PALM2AKAP2: variants seen among roughly 807,000 people sequenced by gnomAD.
The protein encoded by PALM2AKAP2 is PALM2-AKAP2 fusion protein.
In PALM2AKAP2, 37 loss-of-function variants were observed where a neutral mutation model predicts 71.5. That is an observed-to-expected ratio of 0.52 (90% CI 0.40 to 0.68). The LOEUF (loss-of-function observed/expected upper bound fraction) is 0.68, where lower values mean the gene tolerates loss of function less well. PALM2AKAP2 is among the 30% of genes least tolerant of loss of function. The pLI, the probability that PALM2AKAP2 is intolerant of heterozygous loss-of-function variation, is 0.00. For synonymous variants in PALM2AKAP2, 468 were observed against 478.8 expected, an observed-to-expected ratio of 0.98 and a Z score of 0.29; for missense variants, 1,224 against 1,191.8, an observed-to-expected ratio of 1.03 and a Z score of -0.40.
At chr9:109,819,950 A>G (rs1384840514) in intron 1 of PALM2AKAP2, among the ~76,000 whole-genome samples, 1 of 152,216 alleles carries the variant, frequency 6.6e-6, no homozygotes, top group Non-Finnish European at 1.5e-5. Flanking sequence ...ATTGGGAACA[A>G]TTCAATAGGA....
intron 1 of PALM2AKAP2, among the ~76,000 whole-genome samples, chr9:109,800,639 A>G (rs554271300): frequency 3.9e-5 from 6 of 152,368 alleles, no homozygotes; most frequent in Non-Finnish European, 7.3e-5. Flanking sequence ...ACTGCTCCCA[A>G]CTGAGCAATG....
chr9:110,076,759 G>C lies in PALM2AKAP2; in HGVS notation c.156+27904G>C, dbSNP rs552409931. Among the ~76,000 whole-genome samples the C allele has an allele frequency of 2.0e-5, 3 of 152,168 alleles. No homozygotes were observed. The South Asian group carries it at 6.2e-4, about 32-fold the overall frequency. On this transcript the variant is annotated intron_variant, in intron 1 of 3. Transcript: ENST00000374525. ...TTAGATGCATATGGAAGACCAGCTA[G>C]ACAAGGCCACCTCCGAGTTTTGTGT...
intron 1 of PALM2AKAP2, among the ~76,000 whole-genome samples, chr9:109,858,710 C>T (rs202092615): frequency 1.3e-5 from 2 of 152,186 alleles, no homozygotes; most frequent in East Asian, 3.8e-4. Context: ...ATTCTGCCTA[C>T]CTGTACAGAA....
chr9:109,727,307 G>A (rs989617635), intron 1 of PALM2AKAP2, among the ~76,000 whole-genome samples: 1 of 151,996 alleles, frequency 6.6e-6, no homozygotes, highest in Non-Finnish European at 1.5e-5. Context: ...AATTTGGGAG[G>A]GAATTTTATA....
At chr9:109,662,149 A>C (rs1827407408) in intron 1 of PALM2AKAP2, among the ~76,000 whole-genome samples, 2 of 151,222 alleles carry the variant, frequency 1.3e-5, no homozygotes, top group African/African-American at 4.9e-5. Flanking sequence ...CTAATTGAAT[A>C]CCCTTTATTT....
chr9:110,053,037 G>C (rs1833742759), intron 1 of PALM2AKAP2, among the ~76,000 whole-genome samples: 1 of 152,202 alleles, frequency 6.6e-6, no homozygotes, highest in Non-Finnish European at 1.5e-5. Flanking sequence ...TCCAGGGTTT[G>C]GTGGTGGGTT....
At chr9:110,102,548 C>T (rs1024751231) in intron 1 of PALM2AKAP2, among the ~76,000 whole-genome samples, 7 of 152,196 alleles carry the variant, frequency 4.6e-5, no homozygotes, top group South Asian at 2.1e-4. Flanking sequence ...TTTTCTGGGG[C>T]CATGGAGTTG....
At chr9:109,948,715 A>G (rs1290543668) in intron 6 of PALM2AKAP2, among the ~76,000 whole-genome samples, 1 of 152,246 alleles carries the variant, frequency 6.6e-6, no homozygotes, top group Non-Finnish European at 1.5e-5. Context: ...CTCACAAATC[A>G]TAAAATTCTC....
intron 3 of PALM2AKAP2, among the ~76,000 whole-genome samples, chr9:109,919,190 C>A (rs913240269): frequency 6.6e-6 from 1 of 152,218 alleles, no homozygotes; most frequent in African/African-American, 2.4e-5. Flanking sequence ...ACCAAACAAG[C>A]TCCATAAATG....
rs190773416 is a variant in PALM2AKAP2, at chr9:109,993,157, A to G, written c.497-22797A>G. On this transcript the variant is annotated intron_variant, in intron 6 of 9. Coordinates refer to the PALM2AKAP2 transcript ENST00000302798. Reference sequence around the variant, plus strand: ...CTGTTCAGTACTCTTTTGGTCACACATGACAGAATCCTAATTCAAAGTGCC... The same window carrying G: ...CTGTTCAGTACTCTTTTGGTCACACGTGACAGAATCCTAATTCAAAGTGCC... 9.1e-4 allele frequency among the ~76,000 whole-genome samples: 136 copies of G among 149,074 alleles called. 2 individuals are homozygous for G. The highest frequency in any genetic ancestry group is 3.3e-3 in the African/African-American group (132 of 40,290).
chr9:109,882,330 TC>T (rs1287556336), intron 3 of PALM2AKAP2, among the ~76,000 whole-genome samples: 1 of 152,216 alleles, frequency 6.6e-6, no homozygotes, highest in Admixed American at 6.5e-5. Flanking sequence ...TCAGCCTATG[TC>T]CCTACTTTGC....
chr9:110,154,246 T>A (rs958991444), intron 2 of PALM2AKAP2, among the ~76,000 whole-genome samples: 1 of 152,152 alleles, frequency 6.6e-6, no homozygotes, highest in African/African-American at 2.4e-5. Context: ...TCATACCCAT[T>A]TTACTGATGA....
At chr9:109,720,522 T>C (rs1564124420) in intron 1 of PALM2AKAP2, among the ~76,000 whole-genome samples, 1 of 151,892 alleles carries the variant, frequency 6.6e-6, no homozygotes, top group Non-Finnish European at 1.5e-5. Context: ...TAGATGAGAG[T>C]TGAAGCCATG....
chr9:110,006,661 C>T (rs543872907), intron 6 of PALM2AKAP2, among the ~76,000 whole-genome samples: 1 of 151,982 alleles, frequency 6.6e-6, no homozygotes, highest in African/African-American at 2.4e-5. Flanking sequence ...CCATTCCTGG[C>T]CCTGAGTGTG....
intron 6 of PALM2AKAP2, among the ~76,000 whole-genome samples, chr9:109,969,400 C>T (rs1160222111): frequency 6.6e-6 from 1 of 152,228 alleles, no homozygotes; most frequent in East Asian, 1.9e-4. Context: ...TGAATATCAC[C>T]CACAAAGGGT....
At chr9:109,793,686 A>G (rs1036383306) in intron 1 of PALM2AKAP2, among the ~76,000 whole-genome samples, 6 of 152,260 alleles carry the variant, frequency 3.9e-5, no homozygotes, top group African/African-American at 1.4e-4. Flanking sequence ...CCAGCAAACA[A>G]TAGCCCGTGG....
chr9:110,069,095 A>T (rs1403117625), intron 1 of PALM2AKAP2, among the ~76,000 whole-genome samples: 1 of 152,210 alleles, frequency 6.6e-6, no homozygotes, highest in Admixed American at 6.5e-5. Flanking sequence ...TAAGAAGAAG[A>T]GGTTGTGGGG....
At chr9:109,665,289 T>C (rs1337117767) in intron 1 of PALM2AKAP2, among the ~76,000 whole-genome samples, 2 of 152,194 alleles carry the variant, frequency 1.3e-5, no homozygotes, top group South Asian at 4.1e-4. Context: ...AATTTTCAGC[T>C]TTTCTCCTCT....
chr9:109,874,059 T>C (rs1349544228), intron 2 of PALM2AKAP2, among the ~76,000 whole-genome samples: 2 of 152,256 alleles, frequency 1.3e-5, no homozygotes, highest in Non-Finnish European at 2.9e-5. Flanking sequence ...TTGGGTTAGA[T>C]GATCTCTGTG....
Sources: allele counts gnomAD v4.1 joint callset (sites outside exome capture counted in the v4.1 genomes callset), GRCh38; gene constraint gnomAD v4.1.1; transcripts MANE v1.5; gene names NCBI Gene and HGNC (gene_info 2026-07-23, HGNC 2026-07-21).